The following CREB5 variants were observed in gnomAD, a reference collection of about 807,000 sequenced individuals.
CREB5 encodes cyclic AMP-responsive element-binding protein 5.
Under a neutral mutation model 57.1 loss-of-function variants are expected in CREB5, and 19 were observed. The observed-to-expected ratio is 0.33, with a 90% confidence interval of 0.23 to 0.49. The LOEUF (loss-of-function observed/expected upper bound fraction) is 0.49, where lower values mean the gene tolerates loss of function less well. Ranked by LOEUF, CREB5 falls within the 20% of genes least tolerant of loss-of-function variation. The pLI is 0.99. For synonymous variants in CREB5, 238 were observed against 238.3 expected, an observed-to-expected ratio of 1.00 and a Z score of 0.01; for missense variants, 579 against 671.6, an observed-to-expected ratio of 0.86 and a Z score of 1.52.
chr7:28,462,248 T>G (rs1000692067), intron 1 of CREB5, among the ~76,000 whole-genome samples: 4 of 152,238 alleles, frequency 2.6e-5, no homozygotes, highest in Admixed American at 2.0e-4. Flanking sequence ...GTATCAGTAC[T>G]TCATTCCTTT....
intron 1 of CREB5, among the ~76,000 whole-genome samples, chr7:28,308,037 A>T (rs148900337): frequency 6.6e-5 from 10 of 152,264 alleles, no homozygotes; most frequent in African/African-American, 2.4e-4. Flanking sequence ...ACATGGAGAA[A>T]CCTGGCATCC....
chr7:28,804,645 G>A (rs13239397), intron 8 of CREB5, 123 bp downstream of exon 8: 3 of 1,246,554 alleles, frequency 2.4e-6, no homozygotes, highest in Non-Finnish European at 3.4e-6. Context: ...TCACATTCTA[G>A]GGGCTCTGTT....
chr7:28,704,825 G>A (rs550362449), intron 5 of CREB5, among the ~76,000 whole-genome samples: 2 of 152,030 alleles, frequency 1.3e-5, no homozygotes, highest in Non-Finnish European at 2.9e-5. Context: ...AAGATTGTTG[G>A]TTCAGCCATT....
intron 3 of CREB5, among the ~76,000 whole-genome samples, chr7:28,496,650 C>T (rs960674234): frequency 4.6e-5 from 7 of 152,142 alleles, no homozygotes; most frequent in African/African-American, 1.7e-4. Flanking sequence ...CAGATTCTCC[C>T]AATACTCCCG....
intron 1 of CREB5, among the ~76,000 whole-genome samples, chr7:28,463,176 T>G (rs1157292946): frequency 6.6e-6 from 1 of 152,124 alleles, no homozygotes. Context: ...CATCATTTAT[T>G]GAAAAGATTG....
intron 3 of CREB5, among the ~76,000 whole-genome samples, chr7:28,500,596 T>A (rs190061422): frequency 6.6e-6 from 1 of 152,308 alleles, no homozygotes; most frequent in East Asian, 1.9e-4. Context: ...ATTCTCACCA[T>A]GGAGAAGGCA....
intron 5 of CREB5, among the ~76,000 whole-genome samples, chr7:28,674,351 T>C (rs1220062348): frequency 3.3e-5 from 5 of 152,200 alleles, no homozygotes; most frequent in African/African-American, 9.7e-5. Flanking sequence ...GTCTAACAAA[T>C]GTGTACTTTG....
chr7:28,400,086 C>T (rs895260417), intron 1 of CREB5, among the ~76,000 whole-genome samples: 2 of 151,606 alleles, frequency 1.3e-5, no homozygotes, highest in Non-Finnish European at 2.9e-5. Flanking sequence ...CACACACACA[C>T]GTTTTGTGGG....
intron 1 of CREB5, among the ~76,000 whole-genome samples, chr7:28,332,663 T>A (rs755695935): frequency 2.0e-5 from 3 of 152,190 alleles, no homozygotes; most frequent in Admixed American, 6.5e-5. Context: ...AATAAACATT[T>A]AAAAAATGTT....
At chr7:28,301,752 G>T (rs151318207) in intron 1 of CREB5, among the ~76,000 whole-genome samples, 291 of 152,310 alleles carry the variant, frequency 1.9e-3, no homozygotes, top group Middle Eastern at 3.4e-3. Flanking sequence ...TTGTTCTGTT[G>T]TTTACAGGTT....
At chr7:28,366,399 GT>G (rs1484488660) in intron 1 of CREB5, among the ~76,000 whole-genome samples, 4 of 152,126 alleles carry the variant, frequency 2.6e-5, no homozygotes, top group African/African-American at 9.7e-5. Flanking sequence ...TGGCTAGGAT[GT>G]TTTTCCCCAC....
At chr7:28,795,881 G>A (rs1473666634) in intron 7 of CREB5, among the ~76,000 whole-genome samples, 3 of 151,306 alleles carry the variant, frequency 2.0e-5, no homozygotes. Flanking sequence ...AGCCTCCCAA[G>A]TAGCTGGGAT....
intron 1 of CREB5, among the ~76,000 whole-genome samples, chr7:28,433,911 C>CAAGTAA (rs1562713113): frequency 6.6e-6 from 1 of 151,666 alleles, no homozygotes; most frequent in African/African-American, 2.4e-5. Context: ...TTAAAAGATC[C>CAAGTAA]AGACTTCTAC....
chr7:28,662,530 T>C (rs539385028), intron 5 of CREB5, among the ~76,000 whole-genome samples: 1 of 152,226 alleles, frequency 6.6e-6, no homozygotes, highest in South Asian at 2.1e-4. Context: ...CCACAGTAAG[T>C]CTTCGGGGGC....
intron 5 of CREB5, among the ~76,000 whole-genome samples, chr7:28,646,459 G>A (rs1218365339): frequency 6.6e-6 from 1 of 152,162 alleles, no homozygotes; most frequent in African/African-American, 2.4e-5. Flanking sequence ...AACAATTTGA[G>A]GTGATACCTG....
chr7:28,370,157 T>C (rs891977472), intron 1 of CREB5, among the ~76,000 whole-genome samples: 6 of 152,194 alleles, frequency 3.9e-5, no homozygotes, highest in African/African-American at 1.2e-4. Context: ...TTTACATTTC[T>C]CATTAGTGGA....
At chr7:28,484,971 G>T (rs1791493878) in intron 1 of CREB5, among the ~76,000 whole-genome samples, 1 of 152,172 alleles carries the variant, frequency 6.6e-6, no homozygotes. Flanking sequence ...ATTTGCTGTA[G>T]CTCATATGCA....
intron 2 of CREB5, among the ~76,000 whole-genome samples, chr7:28,488,590 GC>G (rs1791670711): frequency 6.6e-6 from 1 of 152,184 alleles, no homozygotes; most frequent in African/African-American, 2.4e-5. Context: ...TTTTACAAAA[GC>G]CACTTGAATA....
At chr7:28,750,836 A>G (rs1286696346) in intron 7 of CREB5, among the ~76,000 whole-genome samples, 1 of 152,206 alleles carries the variant, frequency 6.6e-6, no homozygotes, top group Non-Finnish European at 1.5e-5. Context: ...AAGTGTCATG[A>G]CATGAAATCT....
Sources: allele counts gnomAD v4.1 joint callset (sites outside exome capture counted in the v4.1 genomes callset), GRCh38; gene constraint gnomAD v4.1.1; transcripts MANE v1.5; gene names NCBI Gene and HGNC (gene_info 2026-07-23, HGNC 2026-07-21).